Variants in MYO16 observed in about 807,000 individuals in gnomAD.
The protein encoded by MYO16 is myosin XVI, also known as unconventional myosin-XVI.
In MYO16, 94 loss-of-function variants were observed where a neutral mutation model predicts 205.3. The observed-to-expected ratio is 0.46, with a 90% CI of 0.39 to 0.54. MYO16 has a LOEUF of 0.54. Among genes scored for constraint, MYO16 ranks in the 20% least tolerant of loss-of-function variants. The probability of loss-of-function intolerance (pLI) is 0.00; values close to 1 mark genes in which losing one functional copy is unlikely to be tolerated. For missense variants in MYO16, 2,315 were observed against 2,387.5 expected, an observed-to-expected ratio of 0.97 and a Z score of 0.63; for synonymous variants, 988 against 954.0, an observed-to-expected ratio of 1.04 and a Z score of -0.66.
intron 33 of MYO16, among the ~76,000 whole-genome samples, chr13:109,177,047 C>G (rs966206712): frequency 6.6e-6 from 1 of 152,218 alleles, no homozygotes; most frequent in African/African-American, 2.4e-5. Context: ...GCGAAGCGTC[C>G]TTGTGTTTTG....
chr13:108,752,420 A>C (rs1475806979), intron 4 of MYO16, among the ~76,000 whole-genome samples: 2 of 152,188 alleles, frequency 1.3e-5, no homozygotes, highest in Non-Finnish European at 2.9e-5. Context: ...CAAAGGTTAT[A>C]CTTAATTTCA....
In MYO16 at chr13:108,762,997, T is replaced by C. The variant is rs769047868; in HGVS notation, c.508-22638T>C. Reference sequence around the variant, plus strand: ...AATAAGAAATTAGTCCACAATGCATTGTAAGAAAGTCTCTAATCTTTCTCT... The same window carrying C: ...AATAAGAAATTAGTCCACAATGCATCGTAAGAAAGTCTCTAATCTTTCTCT... On this transcript the variant is annotated intron_variant, in intron 4 of 34. Coordinates refer to ENST00000457511, the MANE Select transcript of MYO16 (RefSeq NM_001198950.3). 1.4e-4 allele frequency among the ~76,000 whole-genome samples: 21 copies of C among 152,344 alleles called. 1 individual carries two copies. Among genetic ancestry groups the C allele is most frequent in the Non-Finnish European group, 2.8e-4 (19 of 68,040 alleles).
rs768509216 is a variant in MYO16, at chr13:109,190,413, T to TTG, written c.5415+10792_5415+10793dup. ...TAATCAGTCAGTGTAATATAATCATTTGTGTGTGTGTGTATGTGCACCTTG... is the reference window on the plus strand; with the variant it reads ...TAATCAGTCAGTGTAATATAATCATTTGTGTGTGTGTGTGTATGTGCACCTTG... On this transcript the variant is annotated intron_variant, in intron 34 of 34. Coordinates refer to ENST00000457511, the MANE Select transcript of MYO16 (RefSeq NM_001198950.3). Among the ~76,000 whole-genome samples the TTG allele has an allele frequency of 7.9e-5, 12 of 151,858 alleles. No homozygotes were observed. In the East Asian group the frequency reaches 1.7e-3, roughly 22 times the overall value.
intron 2 of MYO16, among the ~76,000 whole-genome samples, chr13:108,691,649 C>T (rs539641609): frequency 7.2e-5 from 11 of 152,238 alleles, no homozygotes; most frequent in African/African-American, 1.9e-4. Flanking sequence ...GCGAGCCTCC[C>T]GCCTCAGCCT....
intron 16 of MYO16, among the ~76,000 whole-genome samples, chr13:108,940,985 A>C (rs753494371): frequency 7.2e-5 from 11 of 152,252 alleles, no homozygotes; most frequent in Non-Finnish European, 1.3e-4. Context: ...TAACCAAAGC[A>C]GCAAAATATG....
intron 27 of MYO16, among the ~76,000 whole-genome samples, chr13:109,073,673 A>G (rs1346452501): frequency 2.0e-5 from 3 of 152,192 alleles, no homozygotes; most frequent in African/African-American, 7.2e-5. Context: ...ATTTTTTCTG[A>G]AAATGTTATA....
intron 33 of MYO16, among the ~76,000 whole-genome samples, chr13:109,178,295 C>A (rs929658713): frequency 6.6e-6 from 1 of 152,178 alleles, no homozygotes; most frequent in Admixed American, 6.5e-5. Context: ...GAGACCCCCC[C>A]CACCCACTAG....
rs200610174 is a variant in MYO16 at position 109,044,095 on chromosome 13, T to C, written c.2797-2821T>C. Among the ~76,000 whole-genome samples the C allele has an allele frequency of 1.2e-4, 18 of 152,200 alleles. No individual in the cohort carries two copies. In the East Asian group the frequency reaches 3.5e-3, roughly 29 times the overall value. Reference sequence around the variant, plus strand: ...ACCGAATTACAGTCAGATCCAATGATTGACCATGTCATTCACTACAATTAG... The same window carrying C: ...ACCGAATTACAGTCAGATCCAATGACTGACCATGTCATTCACTACAATTAG... On this transcript the variant is annotated intron_variant, in intron 23 of 34. Coordinates refer to ENST00000457511, the MANE Select transcript of MYO16 (RefSeq NM_001198950.3).
chr13:108,530,999 C>G, the MYO16 span, among the ~76,000 whole-genome samples: 1 of 151,904 alleles, frequency 6.6e-6, no homozygotes, highest in Non-Finnish European at 1.5e-5. Flanking sequence ...TCTTTCATGA[C>G]TTTTTTTCAC....
At chr13:108,819,820 A>G (rs766080461) in intron 7 of MYO16, among the ~76,000 whole-genome samples, 1 of 152,174 alleles carries the variant, frequency 6.6e-6, no homozygotes, top group African/African-American at 2.4e-5. Context: ...ACTTCGATGA[A>G]TTGCTCAATT....
intron 4 of MYO16, among the ~76,000 whole-genome samples, chr13:108,739,147 T>A (rs1399033498): frequency 6.6e-6 from 1 of 152,184 alleles, no homozygotes; most frequent in African/African-American, 2.4e-5. Context: ...TTAAGGTTAA[T>A]ATTGTTATGT....
chr13:108,590,502 C>T, the MYO16 span, among the ~76,000 whole-genome samples: 9 of 152,088 alleles, frequency 5.9e-5, no homozygotes, highest in South Asian at 1.4e-3. Context: ...TATGTTGAAC[C>T]TGTAATCAAT....
intron 1 of MYO16, among the ~76,000 whole-genome samples, chr13:108,662,715 A>C (rs1881558867): frequency 6.6e-6 from 1 of 152,128 alleles, no homozygotes; most frequent in Non-Finnish European, 1.5e-5. Flanking sequence ...GCTGCAAGAG[A>C]AAAGGGCTTT....
intron 32 of MYO16, among the ~76,000 whole-genome samples, chr13:109,152,632 C>T (rs751971496): frequency 2.0e-5 from 3 of 152,150 alleles, no homozygotes; most frequent in Non-Finnish European, 4.4e-5. Flanking sequence ...AGCTGCTAAT[C>T]GGAATACATT....
intron 16 of MYO16, among the ~76,000 whole-genome samples, chr13:108,912,315 G>A (rs1328218167): frequency 6.6e-6 from 1 of 152,116 alleles, no homozygotes; most frequent in East Asian, 1.9e-4. Context: ...TAGGTAGAAA[G>A]TAGTCAGGAA....
At chr13:108,536,792 C>T in the MYO16 span, among the ~76,000 whole-genome samples, 1 of 152,012 alleles carries the variant, frequency 6.6e-6, no homozygotes, top group South Asian at 2.1e-4. Flanking sequence ...AGTTGAATGT[C>T]TTAATATATT....
chr13:109,185,643 G>A (rs1879655113), intron 34 of MYO16, among the ~76,000 whole-genome samples: 1 of 152,134 alleles, frequency 6.6e-6, no homozygotes, highest in Non-Finnish European at 1.5e-5. Flanking sequence ...AGTGATTAAT[G>A]AAACATCACC....
At chr13:108,547,528 C>A in the MYO16 span, among the ~76,000 whole-genome samples, 2 of 152,114 alleles carry the variant, frequency 1.3e-5, no homozygotes, top group Non-Finnish European at 2.9e-5. Flanking sequence ...TTTTGACAGC[C>A]AGCGCACACC....
chr13:109,051,002 C>T (rs896582971), intron 24 of MYO16, among the ~76,000 whole-genome samples: 22 of 152,078 alleles, frequency 1.4e-4, no homozygotes, highest in Admixed American at 5.9e-4. Context: ...TATTCAGAAA[C>T]TCCAAGATCT....
Sources: allele counts gnomAD v4.1 joint callset (sites outside exome capture counted in the v4.1 genomes callset), GRCh38; gene constraint gnomAD v4.1.1; transcripts MANE v1.5; gene names NCBI Gene and HGNC (gene_info 2026-07-23, HGNC 2026-07-21).